The following PCDHA11 variants were observed in gnomAD, a reference collection of about 807,000 sequenced individuals.
PCDHA11 encodes protocadherin alpha-11.
PCDHA11 carries 61 observed loss-of-function variants against 70.3 expected under a neutral mutation model. The ratio of observed to expected loss-of-function variants is 0.87; its 90% CI spans 0.71 to 1.07. The LOEUF (loss-of-function observed/expected upper bound fraction) is 1.07. PCDHA11 is among the 50% of genes least tolerant of loss of function. The pLI, the probability that PCDHA11 is intolerant of heterozygous loss-of-function variation, is 0.00. For synonymous variants in PCDHA11, 633 were observed against 555.1 expected (o/e 1.14, Z -1.97); for missense variants, 1,324 against 1,237.5 (o/e 1.07, Z -1.05).
rs114918834 is a variant in PCDHA11, at chr5:140,920,894, T to C, written c.2391+49400T>C. 7.8e-3 allele frequency among the ~76,000 whole-genome samples: 1,179 copies of C among 151,482 alleles called. 6 individuals carry two copies. The highest frequency in any genetic ancestry group is 0.019 in the African/African-American group (771 of 41,278). Reference sequence around the variant, plus strand: ...GTGGCCCTTAGAACTTAAAGTCATATTTTGGTTCTCAAATCAGTTCCAAGA... The same window carrying C: ...GTGGCCCTTAGAACTTAAAGTCATACTTTGGTTCTCAAATCAGTTCCAAGA... On this transcript the variant is annotated intron_variant, in intron 1 of 3. Coordinates refer to ENST00000398640, the MANE Select transcript of PCDHA11 (RefSeq NM_018902.5).
intron 1 of PCDHA11, among the ~76,000 whole-genome samples, chr5:140,911,493 A>G (rs1157677496): frequency 6.6e-6 from 1 of 152,168 alleles, no homozygotes; most frequent in African/African-American, 2.4e-5. Context: ...CAATCTTAGC[A>G]GGTTTGAGGT....
At position 140,926,799 on chromosome 5, in the gene PCDHA11, T is replaced by G. The variant is rs561004739; in HGVS notation, c.2392-52150T>G. Reference sequence around the variant, plus strand: ...AGTGACGGCCGGCAGGAGCGTGCTCTTCCCCGCGGCTCGTGCTCTCCAGGA... The same window carrying G: ...AGTGACGGCCGGCAGGAGCGTGCTCGTCCCCGCGGCTCGTGCTCTCCAGGA... On this transcript the variant is annotated intron_variant, in intron 1 of 3. Transcript: ENST00000398640. The G allele has an allele frequency of 1.6e-4, 230 of 1,456,322 alleles. 2 individuals carry two copies. The African/African-American group carries it at 2.6e-3, about 16-fold the overall frequency. The allele number at this position is 1,456,322 out of a possible 1,614,324, so 90.2% of individuals were successfully genotyped here.
At chr5:140,882,454 C>G (rs782708863) in intron 1 of PCDHA11, 12 of 1,613,934 alleles carry the variant, frequency 7.4e-6, no homozygotes, top group Non-Finnish European at 1.0e-5. Flanking sequence ...TGGTGCCGCG[C>G]CTGTTCCGGG....
rs868938085 is a variant in PCDHA11, at chr5:140,882,236, T to C, written c.2391+10742T>C. On this transcript the variant is annotated intron_variant, in intron 1 of 3. Coordinates refer to ENST00000398640, the MANE Select transcript of PCDHA11 (RefSeq NM_018902.5). ...AGTTTGAGGTAAGGCGTTGTATATA[T>C]TGCAGATAGCTCTGAGGTTTTTGGA... 7.6e-6 allele frequency: 12 copies of C among 1,581,516 alleles called. 1 individual carries two copies. The Middle Eastern group carries it at 1.0e-3, about 134-fold the overall frequency.
At chr5:140,991,472 C>G (rs1480480128) in intron 3 of PCDHA11, among the ~76,000 whole-genome samples, 1 of 152,172 alleles carries the variant, frequency 6.6e-6, no homozygotes, top group African/African-American at 2.4e-5. Context: ...TCTTACAGTT[C>G]TGGAAGTCAG....
Position 140,883,664 on chromosome 5 carries a change from G to A in PCDHA11, c.2391+12170G>A, listed in dbSNP as rs200846533. The A allele has an allele frequency of 6.7e-5, 108 of 1,613,836 alleles. No individual in the cohort carries two copies. Among genetic ancestry groups the A allele is most frequent in the Non-Finnish European group, 8.9e-5 (105 of 1,179,872 alleles). On this transcript the variant is annotated intron_variant, in intron 1 of 3. Transcript: ENST00000398640. ...GCCCGAGTACACGGTGTTCGTGAAG[G>A]AAAACAATCCGCCGGGCTGCCACAT... is the stretch of plus-strand genomic sequence containing the variant.
chr5:140,899,544 T>A (rs925092249), intron 1 of PCDHA11, among the ~76,000 whole-genome samples: 11 of 152,202 alleles, frequency 7.2e-5, no homozygotes, highest in Non-Finnish European at 1.5e-5. Context: ...TTGATCATGG[T>A]GGATAAGCTT....
At chr5:140,876,238 CA>C in intron 1 of PCDHA11, 4 of 1,613,896 alleles carry the variant, frequency 2.5e-6, no homozygotes, top group Non-Finnish European at 3.4e-6. Context: ...TGAAAATGTC[CA>C]AAACGACACA....
chr5:140,980,239 A>G (rs1453927657), intron 2 of PCDHA11, among the ~76,000 whole-genome samples: 1 of 152,230 alleles, frequency 6.6e-6, no homozygotes, highest in Non-Finnish European at 1.5e-5. Flanking sequence ...TGGTGGAGAC[A>G]TGCAATGGGT....
chr5:140,947,194 G>A (rs2094102779), intron 1 of PCDHA11, among the ~76,000 whole-genome samples: 1 of 151,018 alleles, frequency 6.6e-6, no homozygotes, highest in Admixed American at 6.6e-5. Context: ...ATACTACACA[G>A]CCTTAAAAAA....
chr5:140,917,067 C>T (rs375970452), intron 1 of PCDHA11, among the ~76,000 whole-genome samples: 3 of 152,178 alleles, frequency 2.0e-5, no homozygotes, highest in African/African-American at 4.8e-5. Context: ...ACGACAGCAC[C>T]GAGTTTAATG....
intron 1 of PCDHA11, chr5:140,928,909 C>T (rs1364728842): frequency 1.6e-5 from 26 of 1,614,034 alleles, no homozygotes; most frequent in Non-Finnish European, 2.1e-5. Flanking sequence ...TGTCTGGGAA[C>T]CAGGAGGGCA....
intron 1 of PCDHA11, among the ~76,000 whole-genome samples, chr5:140,881,790 G>T (rs2058832674): frequency 6.6e-6 from 1 of 152,164 alleles, no homozygotes; most frequent in Non-Finnish European, 1.5e-5. Context: ...CCGATCAATT[G>T]TCCCAAAACG....
chr5:140,879,064 G>C (rs1389510074), intron 1 of PCDHA11, among the ~76,000 whole-genome samples: 1 of 152,214 alleles, frequency 6.6e-6, no homozygotes, highest in South Asian at 2.1e-4. Flanking sequence ...TACCAAGAAA[G>C]TGTTAAGAGA....
intron 1 of PCDHA11, among the ~76,000 whole-genome samples, chr5:140,910,512 G>A (rs2075055738): frequency 6.6e-6 from 1 of 152,144 alleles, no homozygotes; most frequent in Admixed American, 6.5e-5. Flanking sequence ...GCTCTTCAAG[G>A]ATGCAGGTAC....
At chr5:140,950,706 G>A (rs72802969) in intron 1 of PCDHA11, among the ~76,000 whole-genome samples, 841 of 152,058 alleles carry the variant, frequency 5.5e-3, no homozygotes, top group Middle Eastern at 0.017. Flanking sequence ...ACAAATTTTT[G>A]TTCCTTATAT....
rs782003848 is a variant in PCDHA11 at position 140,929,358 on chromosome 5, G to GC, written c.2392-49588dup. The GC allele has an allele frequency of 3.9e-6, 6 of 1,522,886 alleles. No homozygotes were observed. The South Asian group carries it at 5.3e-5, about 13-fold the overall frequency. 94.3% of individuals were successfully genotyped at this position (1,522,886 alleles called of 1,614,324 possible). A position where few individuals can be genotyped will look rare whatever the true frequency, so the allele number is the denominator to read the frequency against. Reference sequence around the variant, plus strand: ...AATTTTATGGAATTTGATTCCTTTGGCCCGGAGATGGCTGCTAGCTGTGTT... The same window carrying GC: ...AATTTTATGGAATTTGATTCCTTTGGCCCCGGAGATGGCTGCTAGCTGTGTT... On this transcript the variant is annotated intron_variant, in intron 1 of 3. Coordinates refer to ENST00000398640, the MANE Select transcript of PCDHA11 (RefSeq NM_018902.5).
intron 1 of PCDHA11, chr5:140,929,690 C>T (rs921103809): frequency 1.4e-5 from 4 of 278,364 alleles, no homozygotes; most frequent in Non-Finnish European, 2.8e-5. Context: ...TAAGAGTCTG[C>T]TTTATATGAA....
At chr5:140,882,294 C>T (rs1554173437) in intron 1 of PCDHA11, 1 of 1,613,662 alleles carries the variant, frequency 6.2e-7, no homozygotes. Flanking sequence ...CAAGGAGGCC[C>T]AAGACCGCGG....
Sources: gnomAD v4.1 joint callset for allele counts (sites outside exome capture counted in the v4.1 genomes callset) on GRCh38, gnomAD v4.1.1 for gene constraint, MANE v1.5 for transcripts, NCBI Gene and HGNC (gene_info 2026-07-23, HGNC 2026-07-21) for gene names.